Variants in SPATS2 observed in about 807,000 individuals in gnomAD.
The protein encoded by SPATS2 is spermatogenesis-associated serine-rich protein 2.
Under a neutral mutation model 63.7 loss-of-function variants are expected in SPATS2, and 38 were observed. The observed-to-expected ratio is 0.60, with a 90% CI of 0.46 to 0.78. The LOEUF is 0.78. Ranked by LOEUF, SPATS2 falls within the 30% of genes least tolerant of loss-of-function variation. SPATS2 has a pLI of 0.00. For synonymous variants in SPATS2, 207 were observed against 232.9 expected, an observed-to-expected ratio of 0.89 and a Z score of 1.01; for missense variants, 588 against 666.2, an observed-to-expected ratio of 0.88 and a Z score of 1.29.
intron 1 of SPATS2, 86 bp downstream of exon 1, chr12:49,367,673 G>C: frequency 2.7e-6 from 1 of 372,644 alleles, no homozygotes; most frequent in East Asian, 4.0e-5. Context: ...AGGAAAAAGA[G>C]GGAGGGGGTA....
chr12:49,487,992 CCTTA>C (rs1250503538), intron 4 of SPATS2, among the ~76,000 whole-genome samples: 1 of 152,064 alleles, frequency 6.6e-6, no homozygotes, highest in Non-Finnish European at 1.5e-5. Context: ...TAGGGATTTC[CCTTA>C]CTTCTTATGT....
intron 12 of SPATS2, among the ~76,000 whole-genome samples, chr12:49,523,541 A>C (rs1270214390): frequency 6.6e-6 from 1 of 152,180 alleles, no homozygotes; most frequent in East Asian, 1.9e-4. Flanking sequence ...TGTCTGGCAC[A>C]TAATAGATCC....
chr12:49,415,233 T>C (rs1944869301), intron 2 of SPATS2, among the ~76,000 whole-genome samples: 1 of 151,722 alleles, frequency 6.6e-6, no homozygotes, highest in South Asian at 2.1e-4. Context: ...TTAGCAGAGA[T>C]GGGGTTTCAC....
At chr12:49,457,384 T>C (rs1565731597) in intron 2 of SPATS2, among the ~76,000 whole-genome samples, 1 of 152,184 alleles carries the variant, frequency 6.6e-6, no homozygotes, top group Non-Finnish European at 1.5e-5. Context: ...GGGACCTATC[T>C]GACCCACCCC....
chr12:49,382,921 T>G (rs1321282018), intron 2 of SPATS2, among the ~76,000 whole-genome samples: 1 of 151,990 alleles, frequency 6.6e-6, no homozygotes, highest in Non-Finnish European at 1.5e-5. Flanking sequence ...GCCAGGCTGG[T>G]CACGAACTCC....
intron 9 of SPATS2, among the ~76,000 whole-genome samples, chr12:49,504,847 C>T (rs548733520): frequency 2.7e-5 from 4 of 146,380 alleles, no homozygotes; most frequent in Admixed American, 1.4e-4. Flanking sequence ...TGTCTCACTA[C>T]AGCCTCCCAG....
chr12:49,395,832 G>A lies in SPATS2; in HGVS notation c.-244+24542G>A, dbSNP rs114144275. 4.7e-3 allele frequency among the ~76,000 whole-genome samples: 714 copies of A among 152,330 alleles called. 2 individuals are homozygous for A. The highest frequency in any genetic ancestry group is 0.017 in the African/African-American group (690 of 41,562). On this transcript the variant is annotated intron_variant, in intron 2 of 13. Transcript: ENST00000552918. The stretch of plus-strand genomic sequence containing the variant: ...TACTGTAATATTAACTATAGGGACA[G>A]TGTTTTACAGCAGACCTGTAGAACT...
chr12:49,485,067 C>CT (rs1172351346), intron 4 of SPATS2, among the ~76,000 whole-genome samples: 10,530 of 138,136 alleles, frequency 0.076, 454 homozygotes, highest in African/African-American at 0.089. Context: ...AGAAATAGGT[C>CT]TTTTTTTTTT....
rs554351353 is a variant in SPATS2, at chr12:49,424,032, A to G, written c.-243-36738A>G. ...AGCCTGGCCAACATGGCGAAACTCCATTTCTACTAAAAATACAAAAATTAG... is the reference window on the plus strand; with the variant it reads ...AGCCTGGCCAACATGGCGAAACTCCGTTTCTACTAAAAATACAAAAATTAG... On this transcript the variant is annotated intron_variant, in intron 2 of 13. Coordinates refer to ENST00000552918, the MANE Select transcript of SPATS2 (RefSeq NM_023071.4). Among the ~76,000 whole-genome samples the G allele has an allele frequency of 3.9e-4, 59 of 152,184 alleles. 2 individuals are homozygous for G. In the South Asian group the frequency reaches 0.012, roughly 32 times the overall value.
chr12:49,371,889 G>T (rs1254549430), intron 2 of SPATS2, among the ~76,000 whole-genome samples: 1 of 151,588 alleles, frequency 6.6e-6, no homozygotes, highest in Non-Finnish European at 1.5e-5. Flanking sequence ...CAACACTGGG[G>T]ATTACAATTT....
chr12:49,496,184 TG>T (rs1946460547), intron 7 of SPATS2, among the ~76,000 whole-genome samples: 1 of 152,190 alleles, frequency 6.6e-6, no homozygotes, highest in Admixed American at 6.5e-5. Flanking sequence ...CAATAGCCAG[TG>T]GTTTCCATTT....
intron 2 of SPATS2, among the ~76,000 whole-genome samples, chr12:49,374,485 C>T (rs989559497): frequency 2.6e-5 from 4 of 152,136 alleles, no homozygotes; most frequent in African/African-American, 7.2e-5. Flanking sequence ...CCAGCATTTA[C>T]TCTCCCATGT....
intron 3 of SPATS2, chr12:49,463,706 T>G (rs1336439572): frequency 6.6e-6 from 1 of 152,242 alleles, no homozygotes; most frequent in Admixed American, 6.5e-5. Flanking sequence ...TTGGTTATAC[T>G]ACATTAAAAA....
chr12:49,409,226 T>G (rs1944751803), intron 2 of SPATS2, among the ~76,000 whole-genome samples: 1 of 152,212 alleles, frequency 6.6e-6, no homozygotes, highest in Non-Finnish European at 1.5e-5. Context: ...TTTTAAAAGC[T>G]GCATTTAGAG....
At chr12:49,367,758 C>G (rs982758178) in intron 1 of SPATS2, among the ~76,000 whole-genome samples, 171 bp downstream of exon 1, 1 of 150,412 alleles carries the variant, frequency 6.6e-6, no homozygotes, top group Non-Finnish European at 1.5e-5. Context: ...GTGGAAGGTT[C>G]CTGGGGTCTG....
At chr12:49,437,823 AAGAGGGAGAGGGAGACCGTGGGGAGAGGG>A (rs958060397) in intron 2 of SPATS2, among the ~76,000 whole-genome samples, 1 of 151,922 alleles carries the variant, frequency 6.6e-6, no homozygotes, top group African/African-American at 2.4e-5. Context: ...ACCGTGGAAA[AAGAGGGAGAGGGAGACCGTGGGGAGAGGG>A]AGAGGGAGAG....
In SPATS2 at chr12:49,460,905, C is replaced by A; in HGVS notation, c.-108C>A. ...AGGATTTCGTATTTTTTGCTTCCAA[C>A]TGCACACTTCCGTTGCCCACTTTTA... On this transcript the variant is annotated 5_prime_UTR_variant, in exon 3 of 14. The change creates a new upstream start codon in the 5' untranslated region. Transcript: ENST00000552918. The A allele has an allele frequency of 7.7e-7, 1 of 1,298,972 alleles. No individual in the cohort carries two copies. The highest frequency in any genetic ancestry group is 1.1e-6 in the Non-Finnish European group (1 of 919,530). The allele number at this position is 1,298,972 out of a possible 1,614,324, so 80.5% of individuals were successfully genotyped here.
chr12:49,393,666 A>G (rs1944458418), intron 2 of SPATS2, among the ~76,000 whole-genome samples: 1 of 152,186 alleles, frequency 6.6e-6, no homozygotes, highest in Non-Finnish European at 1.5e-5. Context: ...CGTAGACATT[A>G]TTCTTATTGA....
intron 2 of SPATS2, among the ~76,000 whole-genome samples, chr12:49,440,687 T>C (rs1421898182): frequency 6.6e-6 from 1 of 152,178 alleles, no homozygotes; most frequent in Non-Finnish European, 1.5e-5. Flanking sequence ...CAGGATGGTC[T>C]CGATCTCTTG....
Sources: allele counts gnomAD v4.1 joint callset (sites outside exome capture counted in the v4.1 genomes callset), GRCh38; gene constraint gnomAD v4.1.1; transcripts MANE v1.5; gene names NCBI Gene and HGNC (gene_info 2026-07-23, HGNC 2026-07-21).